The following MBD5 variants were observed in gnomAD, a reference collection of about 807,000 sequenced individuals.
MBD5 encodes the protein methyl-CpG binding domain protein 5.
Under a neutral mutation model 117.3 loss-of-function variants are expected in MBD5, and 13 were observed. The ratio of observed to expected loss-of-function variants is 0.11; its 90% CI spans 0.07 to 0.18. MBD5 has a LOEUF of 0.18. Among genes scored for constraint, MBD5 ranks in the 10% least tolerant of loss-of-function variants. MBD5 has a pLI of 1.00. For missense variants in MBD5, 1,879 were observed against 2,093.8 expected, an observed-to-expected ratio of 0.90 and a Z score of 2.00; for synonymous variants, 727 against 766.4, an observed-to-expected ratio of 0.95 and a Z score of 0.85.
chr2:148,129,812 G>T (rs1696993029), intron 1 of MBD5, among the ~76,000 whole-genome samples: 1 of 151,978 alleles, frequency 6.6e-6, no homozygotes, highest in Non-Finnish European at 1.5e-5. Context: ...GGTAGATTTG[G>T]TATTCATATT....
intron 1 of MBD5, among the ~76,000 whole-genome samples, chr2:148,156,571 A>T (rs1432498513): frequency 1.3e-5 from 2 of 152,218 alleles, no homozygotes; most frequent in African/African-American, 4.8e-5. Flanking sequence ...TCTTGCAGTT[A>T]TCATAATCTA....
chr2:148,203,968 T>A (rs771375803), intron 2 of MBD5, among the ~76,000 whole-genome samples: 9 of 152,214 alleles, frequency 5.9e-5, no homozygotes, highest in Non-Finnish European at 1.0e-4. Context: ...TGCATCCCCT[T>A]TTGCCTATTT....
chr2:148,413,637 T>A (rs1705334152), intron 4 of MBD5, among the ~76,000 whole-genome samples: 1 of 151,972 alleles, frequency 6.6e-6, no homozygotes, highest in East Asian at 1.9e-4. Flanking sequence ...TTATTAATGA[T>A]TCAATTTCAG....
At chr2:148,147,568 AC>A (rs919478101) in intron 1 of MBD5, among the ~76,000 whole-genome samples, 16 of 152,182 alleles carry the variant, frequency 1.1e-4, no homozygotes, top group Admixed American at 1.0e-3. Flanking sequence ...GTAAATGTTA[AC>A]TGTCAACTCT....
At chr2:148,242,254 A>C (rs900429107) in intron 3 of MBD5, among the ~76,000 whole-genome samples, 1 of 152,216 alleles carries the variant, frequency 6.6e-6, no homozygotes, top group East Asian at 1.9e-4. Context: ...GGAAGGTCAA[A>C]TATTACTATA....
At chr2:148,308,172 G>A (rs935918534) in intron 3 of MBD5, among the ~76,000 whole-genome samples, 2 of 152,084 alleles carry the variant, frequency 1.3e-5, no homozygotes, top group African/African-American at 2.4e-5. Flanking sequence ...TGGGATTGCT[G>A]GGTCAAATGG....
At position 148,469,430 on chromosome 2, in the gene MBD5, C is replaced by T; in HGVS notation, c.1487C>T (p.Thr496Ile). 1 of 1,613,940 alleles carries T rather than the reference C, an allele frequency of 6.2e-7. No homozygotes were observed. The highest frequency in any genetic ancestry group is 8.5e-7 in the Non-Finnish European group (1 of 1,179,944). The change falls in exon 8 of 14, where the codon ACA becomes ATA. Residue 496 changes from threonine (T) to isoleucine (I), a missense_variant. Transcript: ENST00000642680. ...GTTCCACCCAGGTCACCAAGGTCAA[C>T]AATAGGGTCCCCAAGGCCATCAATG... ...IKVPPRSPRS[T>I]IGSPRPSMPS...
chr2:148,188,447 A>G (rs1266478615), intron 2 of MBD5, among the ~76,000 whole-genome samples: 1 of 152,168 alleles, frequency 6.6e-6, no homozygotes, highest in Non-Finnish European at 1.5e-5. Flanking sequence ...ACACTTTGGG[A>G]GGCCAAGGGA....
intron 3 of MBD5, among the ~76,000 whole-genome samples, chr2:148,295,296 C>A (rs1388472204): frequency 6.6e-6 from 1 of 152,102 alleles, no homozygotes; most frequent in African/African-American, 2.4e-5. Flanking sequence ...TTCACTGATT[C>A]TTTATTCTGC....
intron 4 of MBD5, among the ~76,000 whole-genome samples, chr2:148,418,118 G>A (rs1705481035): frequency 6.6e-6 from 1 of 152,112 alleles, no homozygotes; most frequent in African/African-American, 2.4e-5. Flanking sequence ...GGGATTACAG[G>A]TGTGAGCCAC....
chr2:148,085,360 C>G (rs989396333), intron 1 of MBD5, among the ~76,000 whole-genome samples: 1 of 152,178 alleles, frequency 6.6e-6, no homozygotes, highest in African/African-American at 2.4e-5. Flanking sequence ...TGTTCTTTTC[C>G]CGTTACTGAG....
chr2:148,270,127 G>T (rs1387752033), intron 3 of MBD5, among the ~76,000 whole-genome samples: 1 of 151,670 alleles, frequency 6.6e-6, no homozygotes, highest in South Asian at 2.1e-4. Context: ...CTTCACTGTG[G>T]TAGATGTGAT....
intron 4 of MBD5, among the ~76,000 whole-genome samples, chr2:148,426,938 C>G (rs1456812842): frequency 6.6e-6 from 1 of 152,024 alleles, no homozygotes; most frequent in Admixed American, 6.6e-5. Flanking sequence ...CTACCATGAA[C>G]TCAAACAAAT....
At chr2:148,464,064 A>G (rs1644536762) in intron 7 of MBD5, 145 bp downstream of exon 7, 1 of 891,778 alleles carries the variant, frequency 1.1e-6, no homozygotes. Flanking sequence ...ATTTTATTAC[A>G]AATAGCAAAC....
At chr2:148,447,066 A>G (rs1281991461) in intron 4 of MBD5, among the ~76,000 whole-genome samples, 1 of 150,758 alleles carries the variant, frequency 6.6e-6, no homozygotes, top group African/African-American at 2.5e-5. Flanking sequence ...AGAAAGAAAG[A>G]AAGAAAAAGA....
intron 3 of MBD5, among the ~76,000 whole-genome samples, chr2:148,239,684 CTT>C (rs1700168609): frequency 1.7e-5 from 2 of 116,380 alleles, no homozygotes; most frequent in African/African-American, 6.4e-5. Context: ...ATTTTATTTA[CTT>C]ACACACACAC....
chr2:148,041,393 A>C (rs183903445), intron 1 of MBD5: 1 of 152,352 alleles, frequency 6.6e-6, no homozygotes, highest in East Asian at 1.9e-4. Flanking sequence ...GGCTCAGGTC[A>C]GGAAAGAATT....
At position 148,189,163 on chromosome 2, in the gene MBD5, G is replaced by T. The variant is rs374686077; in HGVS notation, c.-831+10370G>T. Among the ~76,000 whole-genome samples the T allele has an allele frequency of 1.0e-4, 15 of 147,022 alleles. No homozygotes were observed. The South Asian group carries it at 1.6e-3, about 15-fold the overall frequency. The stretch of plus-strand genomic sequence containing the variant: ...GCAGTCTGAGATCAAACTGCAAGGC[G>T]GCAACGAGGCTGGGGGAGGGGCGCC... On this transcript the variant is annotated intron_variant, in intron 2 of 13. Transcript: ENST00000642680.
At chr2:148,137,602 A>G (rs1220878170) in intron 1 of MBD5, among the ~76,000 whole-genome samples, 1 of 152,214 alleles carries the variant, frequency 6.6e-6, no homozygotes, top group Non-Finnish European at 1.5e-5. Flanking sequence ...TCAGTGATCA[A>G]TCAATCGAAT....
Sources: gnomAD v4.1 joint callset for allele counts (sites outside exome capture counted in the v4.1 genomes callset) on GRCh38, gnomAD v4.1.1 for gene constraint, MANE v1.5 for transcripts, NCBI Gene and HGNC (gene_info 2026-07-23, HGNC 2026-07-21) for gene names.